LRP1B: variants seen among roughly 807,000 people sequenced by gnomAD.
The protein encoded by LRP1B is LDL receptor related protein 1B.
LRP1B carries 217 observed loss-of-function variants against 556.6 expected under a neutral mutation model. That is an observed-to-expected ratio of 0.39 (90% CI 0.35 to 0.44). The LOEUF (loss-of-function observed/expected upper bound fraction) is 0.44, where lower values mean the gene tolerates loss of function less well. LRP1B is among the 20% of genes least tolerant of loss of function. The pLI, the probability that LRP1B is intolerant of heterozygous loss-of-function variation, is 1.00. For missense variants in LRP1B, 5,053 were observed against 5,620.8 expected (o/e 0.90, Z 3.23); for synonymous variants, 2,047 against 1,865.8 (o/e 1.10, Z -2.50).
chr2:142,089,605 G>T (rs1484962832), intron 1 of LRP1B, among the ~76,000 whole-genome samples: 2 of 152,184 alleles, frequency 1.3e-5, no homozygotes, highest in African/African-American at 4.8e-5. Flanking sequence ...CCCATTCATG[G>T]ACAAGTGTGG....
chr2:141,434,647 T>C (rs76345373), intron 3 of LRP1B, among the ~76,000 whole-genome samples: 5,485 of 152,238 alleles, frequency 0.036, 307 homozygotes, highest in African/African-American at 0.12. Context: ...GTCACACATT[T>C]ATGTTTGTTG....
chr2:140,571,426 T>C (rs1380833279), intron 43 of LRP1B, among the ~76,000 whole-genome samples: 2 of 151,592 alleles, frequency 1.3e-5, no homozygotes, highest in African/African-American at 4.8e-5. Flanking sequence ...TTTAAGGAAA[T>C]ACAATGCCTA....
intron 20 of LRP1B, among the ~76,000 whole-genome samples, chr2:140,936,799 T>C (rs7581763): frequency 0.27 from 40,754 of 152,050 alleles, 6,122 homozygotes; most frequent in African/African-American, 0.38. Context: ...AAGATTAATG[T>C]GTTTTTAAAA....
intron 3 of LRP1B, among the ~76,000 whole-genome samples, chr2:141,271,247 A>G (rs1685078802): frequency 6.6e-6 from 1 of 151,850 alleles, no homozygotes; most frequent in Non-Finnish European, 1.5e-5. Context: ...AGCTTGAGAT[A>G]AATGTGGGAC....
At chr2:140,729,479 AG>A (rs1687702174) in intron 35 of LRP1B, among the ~76,000 whole-genome samples, 1 of 152,170 alleles carries the variant, frequency 6.6e-6, no homozygotes. Flanking sequence ...ATTGAATCAC[AG>A]CTATTATAAT....
At chr2:141,927,318 G>A (rs1293510564) in intron 1 of LRP1B, among the ~76,000 whole-genome samples, 1 of 152,068 alleles carries the variant, frequency 6.6e-6, no homozygotes, top group South Asian at 2.1e-4. Context: ...GTAAACTTCA[G>A]AACTGTCCTC....
chr2:141,016,011 G>A (rs1697889609), intron 12 of LRP1B, 96 bp from the exon 13 acceptor site: 1 of 895,078 alleles, frequency 1.1e-6, no homozygotes, highest in East Asian at 2.5e-5. Flanking sequence ...ATAAATTCTA[G>A]TTTCATTCTG....
intron 23 of LRP1B, among the ~76,000 whole-genome samples, chr2:140,888,324 CAAAG>C (rs1172215580): frequency 6.6e-6 from 1 of 151,648 alleles, no homozygotes; most frequent in African/African-American, 2.4e-5. Context: ...TATTTCAACT[CAAAG>C]AATTCAGAAA....
intron 2 of LRP1B, among the ~76,000 whole-genome samples, chr2:141,544,059 A>G (rs1685366901): frequency 6.6e-6 from 1 of 152,168 alleles, no homozygotes; most frequent in Admixed American, 6.5e-5. Flanking sequence ...TGTTTGAACC[A>G]GAGCATTGTT....
chr2:141,759,649 A>G (rs984335554), intron 2 of LRP1B, among the ~76,000 whole-genome samples: 8 of 152,336 alleles, frequency 5.3e-5, no homozygotes, highest in Middle Eastern at 3.4e-3. Context: ...CATGGGAAGT[A>G]TCAGGAGAAA....
intron 3 of LRP1B, among the ~76,000 whole-genome samples, chr2:141,261,685 A>G (rs1227042965): frequency 6.6e-6 from 1 of 152,100 alleles, no homozygotes; most frequent in East Asian, 1.9e-4. Context: ...TGTTAGTATT[A>G]GGTAGTTCAT....
At chr2:141,628,843 C>T (rs1444164712) in intron 2 of LRP1B, among the ~76,000 whole-genome samples, 1 of 151,944 alleles carries the variant, frequency 6.6e-6, no homozygotes, top group African/African-American at 2.4e-5. Context: ...AAGATGAGGT[C>T]TCATCATTTT....
At chr2:141,663,759 A>C (rs1690312024) in intron 2 of LRP1B, among the ~76,000 whole-genome samples, 1 of 152,122 alleles carries the variant, frequency 6.6e-6, no homozygotes, top group Non-Finnish European at 1.5e-5. Flanking sequence ...TACCAGAGGT[A>C]CATAGAGGAG....
chr2:141,869,523 G>C (rs1004508490), intron 1 of LRP1B, among the ~76,000 whole-genome samples: 1 of 152,166 alleles, frequency 6.6e-6, no homozygotes, highest in Non-Finnish European at 1.5e-5. Context: ...ACCTAGGAAA[G>C]CTGCCTAGGT....
intron 49 of LRP1B, among the ~76,000 whole-genome samples, chr2:140,519,712 T>C (rs185620434): frequency 3.0e-4 from 46 of 152,258 alleles, no homozygotes; most frequent in Admixed American, 7.9e-4. Context: ...ACTCTACCCA[T>C]CTGACAAAGG....
chr2:141,878,004 T>A (rs1698825441), intron 1 of LRP1B, among the ~76,000 whole-genome samples: 1 of 151,912 alleles, frequency 6.6e-6, no homozygotes, highest in Non-Finnish European at 1.5e-5. Flanking sequence ...TATGTCAAAA[T>A]TTGTTTTGAC....
At chr2:140,936,229 A>G (rs1357580153) in intron 20 of LRP1B, among the ~76,000 whole-genome samples, 5 of 150,318 alleles carry the variant, frequency 3.3e-5, no homozygotes, top group Admixed American at 1.3e-4. Flanking sequence ...AATCTCAGCT[A>G]CTTTGGAGGC....
At chr2:141,124,051 A>C (rs1701135376) in intron 7 of LRP1B, among the ~76,000 whole-genome samples, 1 of 152,160 alleles carries the variant, frequency 6.6e-6, no homozygotes, top group South Asian at 2.1e-4. Flanking sequence ...TGAGAAAAGA[A>C]AAGTAAATAA....
intron 24 of LRP1B, among the ~76,000 whole-genome samples, chr2:140,884,290 C>T (rs16844915): frequency 4.6e-5 from 7 of 151,610 alleles, no homozygotes; most frequent in East Asian, 1.9e-4. Flanking sequence ...CTAATAACAA[C>T]GTTGAGGTTG....
Sources: gnomAD v4.1 joint callset for allele counts (sites outside exome capture counted in the v4.1 genomes callset) on GRCh38, gnomAD v4.1.1 for gene constraint, MANE v1.5 for transcripts, NCBI Gene and HGNC (gene_info 2026-07-23, HGNC 2026-07-21) for gene names.